TSHZ3: variants seen among roughly 807,000 people sequenced by gnomAD.
TSHZ3 encodes the protein teashirt zinc finger homeobox 3, also known as teashirt homolog 3.
Under a neutral mutation model 64.5 loss-of-function variants are expected in TSHZ3, and 10 were observed. The ratio of observed to expected loss-of-function variants is 0.16; its 90% CI spans 0.10 to 0.26. The LOEUF is 0.26. Among genes scored for constraint, TSHZ3 ranks in the 10% least tolerant of loss-of-function variants. The probability of loss-of-function intolerance (pLI) is 1.00; values close to 1 mark genes in which losing one functional copy is unlikely to be tolerated. For synonymous variants in TSHZ3, 608 were observed against 593.1 expected (o/e 1.03, Z -0.36); for missense variants, 1,242 against 1,421.7 (o/e 0.87, Z 2.03).
intron 5 of TSHZ3, among the ~76,000 whole-genome samples, chr19:31,187,223 T>G (rs1385452016): frequency 6.6e-6 from 1 of 152,150 alleles, no homozygotes; most frequent in Non-Finnish European, 1.5e-5. Flanking sequence ...TATAGTTTTT[T>G]TAAAAAATAA....
At chr19:31,232,282 T>TG (rs772365990) in intron 3 of TSHZ3, among the ~76,000 whole-genome samples, 5 of 151,988 alleles carry the variant, frequency 3.3e-5, no homozygotes, top group Non-Finnish European at 7.4e-5. Context: ...AATTGCTGGC[T>TG]GAAAAAAAAG....
chr19:31,213,765 A>T (rs1975291788), intron 4 of TSHZ3, among the ~76,000 whole-genome samples: 1 of 152,240 alleles, frequency 6.6e-6, no homozygotes, highest in African/African-American at 2.4e-5. Context: ...GGAGCAGATT[A>T]CATAAAAGGA....
intron 1 of TSHZ3, among the ~76,000 whole-genome samples, chr19:31,287,622 C>T (rs1976485668): frequency 6.6e-6 from 1 of 151,944 alleles, no homozygotes; most frequent in African/African-American, 2.4e-5. Flanking sequence ...GAGAAGAATC[C>T]ACTAGGGCTG....
intron 3 of TSHZ3, among the ~76,000 whole-genome samples, chr19:31,238,476 GAAC>G (rs1975648549): frequency 6.6e-6 from 1 of 152,038 alleles, no homozygotes; most frequent in Non-Finnish European, 1.5e-5. Flanking sequence ...GGCTGGTCTT[GAAC>G]TCCTGACCTC....
chr19:31,224,263 C>A (rs550642379), intron 4 of TSHZ3, among the ~76,000 whole-genome samples: 7 of 152,206 alleles, frequency 4.6e-5, no homozygotes, highest in African/African-American at 7.2e-5. Context: ...GGGAGTTTCA[C>A]TAAAGTCCCT....
chr19:31,315,871 A>G (rs1916586890), intron 1 of TSHZ3, among the ~76,000 whole-genome samples: 1 of 152,222 alleles, frequency 6.6e-6, no homozygotes, highest in African/African-American at 2.4e-5. Flanking sequence ...AGCTAATAAA[A>G]AGTGATGTGA....
At chr19:31,302,412 A>G (rs1976770944) in intron 1 of TSHZ3, among the ~76,000 whole-genome samples, 1 of 152,230 alleles carries the variant, frequency 6.6e-6, no homozygotes, top group East Asian at 1.9e-4. Context: ...AAAATCAGAA[A>G]GTACTCACAC....
intron 5 of TSHZ3, among the ~76,000 whole-genome samples, chr19:31,158,412 T>C (rs1219309680): frequency 6.6e-6 from 1 of 152,162 alleles, no homozygotes; most frequent in Admixed American, 6.5e-5. Flanking sequence ...ACAACTCCAA[T>C]TTGTTATCTC....
At chr19:31,228,428 A>AG (rs1975498973) in intron 3 of TSHZ3, among the ~76,000 whole-genome samples, 1 of 149,444 alleles carries the variant, frequency 6.7e-6, no homozygotes, top group South Asian at 2.2e-4. Flanking sequence ...CCAGAGGCTG[A>AG]GGGGGGAGGA....
chr19:31,210,838 T>G (rs1975252411), intron 4 of TSHZ3, among the ~76,000 whole-genome samples: 1 of 152,210 alleles, frequency 6.6e-6, no homozygotes, highest in African/African-American at 2.4e-5. Flanking sequence ...AAAATGGAAT[T>G]AAATGAATAC....
intron 1 of TSHZ3, among the ~76,000 whole-genome samples, chr19:31,307,156 AT>A (rs1228614912): frequency 6.6e-6 from 1 of 152,188 alleles, no homozygotes; most frequent in Non-Finnish European, 1.5e-5. Flanking sequence ...AAATGCATCT[AT>A]TCCCATAATT....
Position 31,244,586 on chromosome 19 carries a change from G to A in TSHZ3, n.64-1711C>T, listed in dbSNP as rs186596896. ...AATTAGCCTACATCCAAATATGGAAGATTGCCCAAATTGTGATTTATCCAC... is the reference window on the plus strand; with the variant it reads ...AATTAGCCTACATCCAAATATGGAAAATTGCCCAAATTGTGATTTATCCAC... On this transcript the variant is annotated intron_variant and non_coding_transcript_variant, in intron 1 of 6. Transcript: ENST00000651361. Among the ~76,000 whole-genome samples, 693 of 152,336 alleles carry A rather than the reference G, an allele frequency of 4.5e-3. 4 individuals are homozygous for A. The highest frequency in any genetic ancestry group is 0.017 in the Middle Eastern group (5 of 294).
At chr19:31,245,937 A>C (rs1345777611) in intron 1 of TSHZ3, among the ~76,000 whole-genome samples, 2 of 152,186 alleles carry the variant, frequency 1.3e-5, no homozygotes, top group Non-Finnish European at 2.9e-5. Flanking sequence ...CAGCAACTCT[A>C]GGGATGTATT....
exon 7 of TSHZ3, among the ~76,000 whole-genome samples, chr19:31,151,488 C>G (rs1054979753): frequency 6.6e-6 from 1 of 152,176 alleles, no homozygotes; most frequent in African/African-American, 2.4e-5. Context: ...CCAAAATTAT[C>G]AAAGAAATTG....
At chr19:31,190,791 G>A (rs934930902) in intron 5 of TSHZ3, among the ~76,000 whole-genome samples, 2 of 152,048 alleles carry the variant, frequency 1.3e-5, no homozygotes, top group African/African-American at 4.8e-5. Flanking sequence ...TTATAAATAT[G>A]TTCAAGGATT....
intron 5 of TSHZ3, chr19:31,167,407 T>C (rs1974469559): frequency 6.6e-6 from 1 of 152,198 alleles, no homozygotes; most frequent in Non-Finnish European, 1.5e-5. Flanking sequence ...AAAAATGGTG[T>C]AACAGTGTTT....
chr19:31,187,533 T>G (rs935272526), intron 5 of TSHZ3, among the ~76,000 whole-genome samples: 17 of 152,178 alleles, frequency 1.1e-4, no homozygotes, highest in African/African-American at 3.6e-4. Context: ...TAATATATTC[T>G]CCTGTGTTTA....
chr19:31,296,327 ATTT>A (rs35057697), intron 1 of TSHZ3, among the ~76,000 whole-genome samples: 4,230 of 94,046 alleles, frequency 0.045, 129 homozygotes, highest in African/African-American at 0.13. Context: ...AGTGCTGTGA[ATTT>A]TTTTTTTTTT....
chr19:31,245,174 C>A (rs1199651337), intron 1 of TSHZ3, among the ~76,000 whole-genome samples: 1 of 152,032 alleles, frequency 6.6e-6, no homozygotes, highest in Non-Finnish European at 1.5e-5. Context: ...AAACAAAAAT[C>A]TTACTTACGA....
Sources: gnomAD v4.1 joint callset for allele counts (sites outside exome capture counted in the v4.1 genomes callset) on GRCh38, gnomAD v4.1.1 for gene constraint, MANE v1.5 for transcripts, NCBI Gene and HGNC (gene_info 2026-07-23, HGNC 2026-07-21) for gene names.